The following SLCO1B3 variants were observed in gnomAD, a reference collection of about 807,000 sequenced individuals.
The protein encoded by SLCO1B3 is liver-specific organic anion transporter 2.
In SLCO1B3, 72 loss-of-function variants were observed where a neutral mutation model predicts 71.8. The observed-to-expected ratio is 1.00, with a 90% CI of 0.83 to 1.22. SLCO1B3 has a LOEUF of 1.22. SLCO1B3 is among the 50% of genes most tolerant of loss of function. The pLI, the probability that SLCO1B3 is intolerant of heterozygous loss-of-function variation, is 0.00. For synonymous variants in SLCO1B3, 298 were observed against 278.4 expected, an observed-to-expected ratio of 1.07 and a Z score of -0.70; for missense variants, 911 against 819.7, an observed-to-expected ratio of 1.11 and a Z score of -1.36.
Position 20,879,587 on chromosome 12 carries a change from C to A in SLCO1B3, c.1287C>A (p.Ile429=), listed in dbSNP as rs1372534714. The A allele has an allele frequency of 6.2e-7, 1 of 1,612,670 alleles. No individual in the cohort carries two copies. Among genetic ancestry groups the A allele is most frequent in the Non-Finnish European group, 8.5e-7 (1 of 1,179,412 alleles). Reference sequence around the variant, plus strand: ...TTCAACTTCTATATTTCCCTCTAATCTGCGAAAGCAAATCAGTTGCCGGCC... The same window carrying A: ...TTCAACTTCTATATTTCCCTCTAATATGCGAAAGCAAATCAGTTGCCGGCC... ...FLFQLLYFPL[I]CESKSVAGLT... is the part of the protein sequence containing the mutation. Residue 429 remains isoleucine (I), a synonymous_variant, in exon 11 of 16, where the codon ATC becomes ATA. Coordinates refer to ENST00000381545, the MANE Select transcript of SLCO1B3 (RefSeq NM_019844.4).
At chr12:20,872,284 C>A (rs778703988) in intron 8 of SLCO1B3, among the ~76,000 whole-genome samples, 1 of 151,512 alleles carries the variant, frequency 6.6e-6, no homozygotes, top group Non-Finnish European at 1.5e-5. Context: ...TCCTTCAGGG[C>A]AGTGGGTCTC....
intron 11 of SLCO1B3, among the ~76,000 whole-genome samples, chr12:20,880,304 C>A (rs892473465): frequency 6.0e-5 from 9 of 151,232 alleles, no homozygotes; most frequent in African/African-American, 2.2e-4. Context: ...TTCTATTATT[C>A]TTGATTTTTT....
intron 4 of SLCO1B3, 147 bp from the exon 5 acceptor site, chr12:20,858,292 A>G (rs938167795): frequency 5.0e-6 from 3 of 595,036 alleles, no homozygotes; most frequent in East Asian, 2.8e-5. Flanking sequence ...GGTTTAATGT[A>G]GGAGAGTTTA....
At chr12:20,846,207 A>G (rs1214060491) in intron 3 of SLCO1B3, among the ~76,000 whole-genome samples, 1 of 152,180 alleles carries the variant, frequency 6.6e-6, no homozygotes, top group East Asian at 1.9e-4. Context: ...TAGTTAGAAT[A>G]GTTCTTTCAA....
At chr12:20,880,535 G>A (rs960664999) in intron 11 of SLCO1B3, among the ~76,000 whole-genome samples, 10 of 151,910 alleles carry the variant, frequency 6.6e-5, no homozygotes, top group Non-Finnish European at 1.0e-4. Flanking sequence ...TTGATAGAAT[G>A]ATAAAGACCT....
At chr12:20,853,817 T>C in intron 3 of SLCO1B3, among the ~76,000 whole-genome samples, 5 of 152,006 alleles carry the variant, frequency 3.3e-5, no homozygotes. Flanking sequence ...GTTATGTTAT[T>C]TATTTGAGAT....
At chr12:20,854,977 T>C in intron 3 of SLCO1B3, 51 bp from the exon 4 acceptor site, 1 of 1,521,222 alleles carries the variant, frequency 6.6e-7, no homozygotes, top group South Asian at 1.2e-5. Flanking sequence ...CTATAAACAT[T>C]ATATAGTTCT....
intron 15 of SLCO1B3, among the ~76,000 whole-genome samples, chr12:20,915,610 A>T (rs1437008971): frequency 6.6e-6 from 1 of 152,182 alleles, no homozygotes; most frequent in Non-Finnish European, 1.5e-5. Context: ...GGCGATGAAG[A>T]CAAAGTAGCA....
At chr12:20,893,656 A>C (rs1166376783) in intron 13 of SLCO1B3, among the ~76,000 whole-genome samples, 1 of 152,184 alleles carries the variant, frequency 6.6e-6, no homozygotes, top group Non-Finnish European at 1.5e-5. Flanking sequence ...GGCTACAAAG[A>C]ATGTAGGAAC....
chr12:20,880,922 G>A lies in SLCO1B3; in HGVS notation c.1399G>A (p.Glu467Lys), dbSNP rs774420889. The change falls in exon 12 of 16, where the codon GAA (glutamate) becomes AAA (lysine). Residue 467 changes from glutamate to lysine, a missense_variant. Transcript: ENST00000381545. ...SYCNSECNCD[E>K]SQWEPVCGNN... Reference sequence around the variant, plus strand: ...TTGCAACTCAGAGTGCAATTGTGATGAAAGTCAGTGGGAACCAGTCTGTGG... The same window carrying A: ...TTGCAACTCAGAGTGCAATTGTGATAAAAGTCAGTGGGAACCAGTCTGTGG... 4.3e-6 allele frequency: 7 copies of A among 1,611,710 alleles called. No individual in the cohort carries two copies. The highest frequency in any genetic ancestry group is 5.9e-6 in the Non-Finnish European group (7 of 1,178,108).
At chr12:20,876,104 T>G (rs376062599) in intron 9 of SLCO1B3, among the ~76,000 whole-genome samples, 1 of 139,486 alleles carries the variant, frequency 7.2e-6, no homozygotes, top group Non-Finnish European at 1.6e-5. Flanking sequence ...ATTATATATA[T>G]ACATATATAA....
intron 3 of SLCO1B3, among the ~76,000 whole-genome samples, chr12:20,842,300 A>G (rs1864819189): frequency 6.6e-6 from 1 of 152,172 alleles, no homozygotes; most frequent in Non-Finnish European, 1.5e-5. Context: ...TACTTGACCT[A>G]TCATAATTGA....
chr12:20,909,800 T>C (rs1866338275), intron 15 of SLCO1B3, among the ~76,000 whole-genome samples: 1 of 152,114 alleles, frequency 6.6e-6, no homozygotes, highest in Admixed American at 6.6e-5. Flanking sequence ...AGCCTTGCAC[T>C]CCTAGGCTCA....
At chr12:20,826,355 G>C (rs368195107) in intron 3 of SLCO1B3, among the ~76,000 whole-genome samples, 1 of 152,052 alleles carries the variant, frequency 6.6e-6, no homozygotes, top group African/African-American at 2.4e-5. Flanking sequence ...AAAGCTGAAA[G>C]CAGTGGGACA....
chr12:20,854,309 A>ATTATTT (rs1865087428), intron 3 of SLCO1B3, among the ~76,000 whole-genome samples: 1 of 151,742 alleles, frequency 6.6e-6, no homozygotes. Flanking sequence ...AAGTATCATT[A>ATTATTT]TTATTATTAT....
chr12:20,876,562 G>A (rs1008257618), intron 9 of SLCO1B3, among the ~76,000 whole-genome samples: 1 of 152,064 alleles, frequency 6.6e-6, no homozygotes, highest in Non-Finnish European at 1.5e-5. Context: ...CTGGAGCCTT[G>A]TGTATTCACT....
intron 4 of SLCO1B3, among the ~76,000 whole-genome samples, chr12:20,856,823 G>C (rs921960914): frequency 1.3e-5 from 2 of 152,182 alleles, no homozygotes; most frequent in African/African-American, 4.8e-5. Context: ...GCCTTTCAGA[G>C]TGCTGAGATT....
At chr12:20,844,600 G>C (rs1455618219) in intron 3 of SLCO1B3, among the ~76,000 whole-genome samples, 3 of 151,944 alleles carry the variant, frequency 2.0e-5, no homozygotes, top group Non-Finnish European at 1.5e-5. Flanking sequence ...TGCATTAATT[G>C]ATAACCCCCA....
At chr12:20,885,812 G>A (rs965107171) in intron 13 of SLCO1B3, among the ~76,000 whole-genome samples, 1 of 151,930 alleles carries the variant, frequency 6.6e-6, no homozygotes, top group Admixed American at 6.6e-5. Context: ...CACAGGAAAG[G>A]CTTTGGAGCT....
Sources: gnomAD v4.1 joint callset for allele counts (sites outside exome capture counted in the v4.1 genomes callset) on GRCh38, gnomAD v4.1.1 for gene constraint, MANE v1.5 for transcripts, NCBI Gene and HGNC (gene_info 2026-07-23, HGNC 2026-07-21) for gene names.